The following SANBR variants were observed in gnomAD, a reference collection of about 807,000 sequenced individuals.
SANBR encodes SANT and BTB domain regulator of class switch recombination.
SANBR carries 77 observed loss-of-function variants against 101.8 expected under a neutral mutation model. That is an observed-to-expected ratio of 0.76 (90% confidence interval 0.63 to 0.91). The LOEUF (loss-of-function observed/expected upper bound fraction) is 0.91. Ranked by LOEUF, SANBR falls within the 40% of genes least tolerant of loss-of-function variation. The probability of loss-of-function intolerance (pLI) is 0.00; values close to 1 mark genes in which losing one functional copy is unlikely to be tolerated. For missense variants in SANBR, 875 were observed against 853.0 expected, an observed-to-expected ratio of 1.03 and a Z score of -0.32; for synonymous variants, 279 against 274.7, an observed-to-expected ratio of 1.02 and a Z score of -0.15.
chr2:61,076,868 C>T (rs1258807308), intron 5 of SANBR, 52 bp from the exon 6 acceptor site: 3 of 1,314,936 alleles, frequency 2.3e-6, no homozygotes, highest in Non-Finnish European at 3.3e-6. Flanking sequence ...GTATTCTTGA[C>T]TCCTTTTCTA....
At chr2:61,121,037 T>C in intron 20 of SANBR, 148 bp from the exon 21 acceptor site, 1 of 571,366 alleles carries the variant, frequency 1.8e-6, no homozygotes. Flanking sequence ...AAATGGTACA[T>C]TTTTCTTTAT....
chr2:61,087,869 T>C (rs1043512840), intron 8 of SANBR, among the ~76,000 whole-genome samples: 4 of 151,260 alleles, frequency 2.6e-5, no homozygotes, highest in Admixed American at 6.6e-5. Context: ...AAAGTAAAAA[T>C]AAAAAATAAA....
chr2:61,104,309 C>T (rs1392517216), intron 13 of SANBR, among the ~76,000 whole-genome samples: 1 of 151,836 alleles, frequency 6.6e-6, no homozygotes, highest in Non-Finnish European at 1.5e-5. Flanking sequence ...AGTGAAACCC[C>T]ATCTCTACTA....
At chr2:61,104,037 A>G (rs181195531) in intron 13 of SANBR, 39 bp downstream of exon 13, 2 of 1,576,236 alleles carry the variant, frequency 1.3e-6, no homozygotes, top group Non-Finnish European at 1.7e-6. Flanking sequence ...TTATAGCTTT[A>G]TTCAGCAGTT....
chr2:61,088,331 T>G (rs1482304742), intron 9 of SANBR, 27 bp from the exon 10 acceptor site: 1 of 1,573,948 alleles, frequency 6.4e-7, no homozygotes, highest in Non-Finnish European at 8.6e-7. Context: ...TCTTCCTGGA[T>G]GTTTTTTGTA....
intron 6 of SANBR, among the ~76,000 whole-genome samples, chr2:61,079,422 A>G (rs1334268857): frequency 6.6e-6 from 1 of 152,180 alleles, no homozygotes; most frequent in Non-Finnish European, 1.5e-5. Flanking sequence ...TTAAAATAGA[A>G]CTCTTATGGA....
At chr2:61,119,435 CA>C (rs1684232946) in intron 20 of SANBR, among the ~76,000 whole-genome samples, 1 of 151,020 alleles carries the variant, frequency 6.6e-6, no homozygotes, top group Non-Finnish European at 1.5e-5. Context: ...AATGAAAAGA[CA>C]AGCCATAAAC....
intron 16 of SANBR, among the ~76,000 whole-genome samples, chr2:61,110,405 C>T (rs564805292): frequency 8.6e-5 from 13 of 151,976 alleles, no homozygotes; most frequent in African/African-American, 2.7e-4. Context: ...TTAGGCCGGG[C>T]ACGATGGCTC....
chr2:61,094,518 C>G (rs1321227380), intron 11 of SANBR, among the ~76,000 whole-genome samples: 1 of 152,002 alleles, frequency 6.6e-6, no homozygotes, highest in Admixed American at 6.6e-5. Context: ...TTCAGACATT[C>G]ACCAGTTGGA....
Position 61,122,212 on chromosome 2 carries a change from TGAAATTGC to T in SANBR, c.*51_*58del, listed in dbSNP as rs1684359254. The T allele has an allele frequency of 6.6e-7, 1 of 1,517,556 alleles. No homozygotes were observed. Among genetic ancestry groups the T allele is most frequent in the Non-Finnish European group, 8.8e-7 (1 of 1,131,658 alleles). 94.0% of individuals were successfully genotyped at this position (1,517,556 alleles called of 1,614,324 possible). A position where few individuals can be genotyped will look rare whatever the true frequency, so the allele number is the denominator to read the frequency against. On this transcript the variant is annotated 3_prime_UTR_variant, in exon 22 of 22. Coordinates refer to ENST00000402291, the MANE Select transcript of SANBR (RefSeq NM_001129993.3). ...GAGAGAAGGCACTCTTCTGGACATC[TGAAATTGC>T]TCACTTCTTGAAGATCTTCAGAACA... is the stretch of plus-strand genomic sequence containing the variant.
intron 8 of SANBR, among the ~76,000 whole-genome samples, chr2:61,086,239 C>A (rs1682421727): frequency 6.6e-6 from 1 of 152,030 alleles, no homozygotes; most frequent in African/African-American, 2.4e-5. Context: ...CCATGGCTTA[C>A]TGCGGCCTCA....
intron 16 of SANBR, among the ~76,000 whole-genome samples, chr2:61,110,973 A>G (rs1037492397): frequency 3.9e-5 from 6 of 152,240 alleles, no homozygotes; most frequent in Non-Finnish European, 8.8e-5. Flanking sequence ...ATTAGACACA[A>G]AAACCTGAAA....
chr2:61,105,095 T>C (rs1354417481), intron 13 of SANBR, among the ~76,000 whole-genome samples: 1 of 151,328 alleles, frequency 6.6e-6, no homozygotes, highest in East Asian at 2.0e-4. Context: ...AAGAGGCTGT[T>C]CTTAGCCAGG....
chr2:61,078,873 T>A (rs1481022994), intron 6 of SANBR, among the ~76,000 whole-genome samples: 1 of 151,728 alleles, frequency 6.6e-6, no homozygotes, highest in African/African-American at 2.4e-5. Context: ...ACCCCGTCTC[T>A]ACTGAAAATA....
intron 6 of SANBR, among the ~76,000 whole-genome samples, chr2:61,080,917 G>A (rs575011679): frequency 1.3e-5 from 2 of 152,248 alleles, no homozygotes; most frequent in African/African-American, 4.8e-5. Flanking sequence ...CTAAACTACA[G>A]CATCAGGCGG....
chr2:61,084,247 C>A (rs933680133), intron 8 of SANBR, among the ~76,000 whole-genome samples: 1 of 152,084 alleles, frequency 6.6e-6, no homozygotes, highest in Non-Finnish European at 1.5e-5. Flanking sequence ...AGCCACCATG[C>A]CTGGCCAAAA....
chr2:61,082,595 C>T lies in SANBR; in HGVS notation c.730-559C>T, dbSNP rs539906189. ...CTAGCACTTGGGAGGCCAAGGCAGG[C>T]GGATCACGAGGTCAGGAGTTCAAGA... On this transcript the variant is annotated intron_variant, in intron 7 of 21. Coordinates refer to ENST00000402291, the MANE Select transcript of SANBR (RefSeq NM_001129993.3). Among the ~76,000 whole-genome samples, 163 of 152,206 alleles carry T rather than the reference C, an allele frequency of 1.1e-3. 7 individuals carry two copies. Among genetic ancestry groups the T allele is most frequent in the Admixed American group, 0.01 (154 of 15,292 alleles).
chr2:61,119,823 A>G (rs1189714670), intron 20 of SANBR, among the ~76,000 whole-genome samples: 3 of 152,148 alleles, frequency 2.0e-5, no homozygotes, highest in African/African-American at 4.8e-5. Context: ...TTAGCCAGGT[A>G]TGGTGGTGGA....
intron 1 of SANBR, among the ~76,000 whole-genome samples, chr2:61,068,066 C>T (rs1433148285): frequency 1.3e-5 from 2 of 152,134 alleles, no homozygotes; most frequent in Admixed American, 6.6e-5. Context: ...CAGTATCTGC[C>T]TTGCTGGTCA....
Sources: gnomAD v4.1 joint callset for allele counts (sites outside exome capture counted in the v4.1 genomes callset) on GRCh38, gnomAD v4.1.1 for gene constraint, MANE v1.5 for transcripts, NCBI Gene and HGNC (gene_info 2026-07-23, HGNC 2026-07-21) for gene names.